The following PDCD6 variants were observed in gnomAD, a reference collection of about 807,000 sequenced individuals.
PDCD6 encodes programmed cell death protein 6.
PDCD6 carries 12 observed loss-of-function variants against 28.3 expected under a neutral mutation model. The ratio of observed to expected loss-of-function variants is 0.42; its 90% CI spans 0.27 to 0.69. The LOEUF (loss-of-function observed/expected upper bound fraction) is 0.69. Among genes scored for constraint, PDCD6 ranks in the 30% least tolerant of loss-of-function variants. The pLI, the probability that PDCD6 is intolerant of heterozygous loss-of-function variation, is 0.22. For synonymous variants in PDCD6, 92 were observed against 108.0 expected, an observed-to-expected ratio of 0.85 and a Z score of 0.92; for missense variants, 226 against 269.9, an observed-to-expected ratio of 0.84 and a Z score of 1.14.
At chr5:296,385 G>GTGCACCTGGGCACGTGGCATATTTCAGA (rs1256595051) in intron 2 of PDCD6, among the ~76,000 whole-genome samples, 3 of 152,048 alleles carry the variant, frequency 2.0e-5, no homozygotes, top group Non-Finnish European at 4.4e-5. Context: ...CACGCCCCAC[G>GTGCACCTGGGCACGTGGCATATTTCAGA]TGCACCTGGG....
intron 2 of PDCD6, among the ~76,000 whole-genome samples, chr5:287,038 G>C (rs1739015520): frequency 6.6e-6 from 1 of 151,524 alleles, no homozygotes; most frequent in Non-Finnish European, 1.5e-5. Flanking sequence ...GAGGGTCATG[G>C]AGCTGGAGAC....
intron 2 of PDCD6, among the ~76,000 whole-genome samples, chr5:286,140 CG>C (rs1271682075): frequency 7.7e-6 from 1 of 129,746 alleles, no homozygotes; most frequent in Non-Finnish European, 1.6e-5. Flanking sequence ...GCTGGAGACC[CG>C]GGGGGAGTTG....
chr5:298,566 G>A (rs181140842), intron 2 of PDCD6, among the ~76,000 whole-genome samples: 4 of 151,100 alleles, frequency 2.6e-5, no homozygotes, highest in East Asian at 3.9e-4. Context: ...TCCCGGCCTC[G>A]CTGCTCTCAG....
chr5:276,463 C>G (rs1561029508), intron 2 of PDCD6: 1 of 985,846 alleles, frequency 1.0e-6, no homozygotes, highest in Non-Finnish European at 1.2e-6. Context: ...CTCTGAATTT[C>G]TTTATTTTAA....
intron 4 of PDCD6, chr5:309,495 G>T: frequency 9.6e-6 from 2 of 208,124 alleles, no homozygotes; most frequent in Non-Finnish European, 9.8e-6. Context: ...TGTGCAGACT[G>T]GAGTTCCTCT....
intron 2 of PDCD6, among the ~76,000 whole-genome samples, chr5:297,936 T>C (rs1466686193): frequency 6.6e-6 from 1 of 152,200 alleles, no homozygotes; most frequent in Non-Finnish European, 1.5e-5. Context: ...GAAAATATTC[T>C]TAAAAAGAGA....
At chr5:306,781 T>C (rs1238985626) in intron 4 of PDCD6, 21 bp downstream of exon 4, 15 of 1,603,404 alleles carry the variant, frequency 9.4e-6, no homozygotes, top group Non-Finnish European at 1.3e-5. Flanking sequence ...CACTCTGGCT[T>C]GTGTAGCGTG....
chr5:289,342 C>T (rs1452762457), intron 2 of PDCD6: 9 of 553,104 alleles, frequency 1.6e-5, no homozygotes, highest in Non-Finnish European at 3.0e-5. Flanking sequence ...AATTCTTTCA[C>T]GAAAGCAATG....
Position 306,102 on chromosome 5 carries a change from T to G in PDCD6, c.209-500T>G, listed in dbSNP as rs780419330. The stretch of plus-strand genomic sequence containing the variant: ...AATAGGACATAGGCGAGGGTCTGTT[T>G]CTAATTAAAGCAGGTTTTCCTGACA... On this transcript the variant is annotated intron_variant, in intron 3 of 5. Transcript: ENST00000264933. 1.3e-4 allele frequency: 21 copies of G among 165,190 alleles called. 1 individual carries two copies. The South Asian group carries it at 2.7e-3, about 21-fold the overall frequency. 10.2% of individuals were successfully genotyped at this position (165,190 alleles called of 1,614,324 possible). A position where few individuals can be genotyped will look rare whatever the true frequency, so the allele number is the denominator to read the frequency against.
intron 2 of PDCD6, among the ~76,000 whole-genome samples, chr5:280,182 G>C (rs1738478231): frequency 1.3e-5 from 2 of 152,004 alleles, no homozygotes; most frequent in South Asian, 4.1e-4. Flanking sequence ...TCAGCGGGTT[G>C]AGAGGAGGAT....
chr5:303,222 C>T (rs1298466771), intron 2 of PDCD6, among the ~76,000 whole-genome samples: 3 of 150,926 alleles, frequency 2.0e-5, no homozygotes, highest in Admixed American at 6.6e-5. Flanking sequence ...CGTGCTCCAC[C>T]AGGAGCCTGA....
chr5:282,835 A>AAGCCCAGAGAG (rs1738672986), intron 2 of PDCD6, among the ~76,000 whole-genome samples: 1 of 152,090 alleles, frequency 6.6e-6, no homozygotes, highest in African/African-American at 2.4e-5. Flanking sequence ...TTGCAGCTGC[A>AAGCCCAGAGAG]GACGTGGAGA....
At chr5:309,427 C>G (rs1172854513) in intron 4 of PDCD6, 1 of 160,214 alleles carries the variant, frequency 6.2e-6, no homozygotes, top group Non-Finnish European at 1.4e-5. Flanking sequence ...TTCACTATTA[C>G]TGATGACCAA....
In PDCD6 at chr5:275,984, A is replaced by T. The variant is rs368851514; in HGVS notation, c.163+3212A>T. The T allele has an allele frequency of 1.4e-4, 186 of 1,284,252 alleles. 3 individuals carry two copies. In the South Asian group the frequency reaches 1.5e-3, roughly 10 times the overall value. The allele number at this position is 1,284,252 out of a possible 1,614,324, so 79.6% of individuals were successfully genotyped here. A position where few individuals can be genotyped will look rare whatever the true frequency, so the allele number is the denominator to read the frequency against. Reference sequence around the variant, plus strand: ...CCTCCACCCCTTTGCTTTGGGCTCTAAGCTTCTTCTGCCTTTCATCTCTGT... The same window carrying T: ...CCTCCACCCCTTTGCTTTGGGCTCTTAGCTTCTTCTGCCTTTCATCTCTGT... On this transcript the variant is annotated intron_variant, in intron 2 of 5. Coordinates refer to ENST00000264933, the MANE Select transcript of PDCD6 (RefSeq NM_013232.4).
At chr5:299,859 T>TG (rs1554007462) in intron 2 of PDCD6, among the ~76,000 whole-genome samples, 1 of 151,940 alleles carries the variant, frequency 6.6e-6, no homozygotes, top group African/African-American at 2.4e-5. Flanking sequence ...GGTATTTTTT[T>TG]TTTTATTTTT....
At chr5:277,523 G>A (rs1209507134) in intron 2 of PDCD6, among the ~76,000 whole-genome samples, 11 of 150,978 alleles carry the variant, frequency 7.3e-5, no homozygotes, top group Non-Finnish European at 1.0e-4. Context: ...GGATGGTCTC[G>A]ATCTTATGAC....
Position 290,351 on chromosome 5 carries a change from C to T in PDCD6, c.164-13826C>T, listed in dbSNP as rs911548638. 3.6e-6 allele frequency: 4 copies of T among 1,119,746 alleles called. No homozygotes were observed. In the African/African-American group the frequency reaches 6.0e-5, roughly 17 times the overall value. 69.4% of individuals were successfully genotyped at this position (1,119,746 alleles called of 1,614,324 possible). A position where few individuals can be genotyped will look rare whatever the true frequency, so the allele number is the denominator to read the frequency against. ...TCCTGGAGTCCCTCACAGCCTCCGC[C>T]TCCCTCCGCAGGTCTCTTGGGGACC... On this transcript the variant is annotated intron_variant, in intron 2 of 5. Coordinates refer to ENST00000264933, the MANE Select transcript of PDCD6 (RefSeq NM_013232.4).
rs1738608088 is a variant in PDCD6, at chr5:282,099, C to T, written c.163+9327C>T. 4.9e-5 allele frequency among the ~76,000 whole-genome samples: 7 copies of T among 144,052 alleles called. No homozygotes were observed. In the Admixed American group the frequency reaches 4.9e-4, roughly 10 times the overall value. 94.5% of individuals were successfully genotyped at this position (144,052 alleles called of 152,430 possible). A position where few individuals can be genotyped will look rare whatever the true frequency, so the allele number is the denominator to read the frequency against. On this transcript the variant is annotated intron_variant, in intron 2 of 5. Coordinates refer to ENST00000264933, the MANE Select transcript of PDCD6 (RefSeq NM_013232.4). ...GTTGAAGATTCAGGGAGGAACTGCT[C>T]ATGTAGTTTGAGGGTCATGGAACTG...
intron 2 of PDCD6, among the ~76,000 whole-genome samples, chr5:296,831 C>T (rs1395490905): frequency 2.6e-5 from 4 of 152,036 alleles, no homozygotes; most frequent in Admixed American, 1.3e-4. Context: ...CATCGACAGT[C>T]TTCTACTAAA....
Sources: allele counts gnomAD v4.1 joint callset (sites outside exome capture counted in the v4.1 genomes callset), GRCh38; gene constraint gnomAD v4.1.1; transcripts MANE v1.5; gene names NCBI Gene and HGNC (gene_info 2026-07-23, HGNC 2026-07-21).